CAB39L: variants seen among roughly 807,000 people sequenced by gnomAD.
CAB39L encodes calcium-binding protein 39-like.
A neutral mutation model predicts 39.1 loss-of-function variants in CAB39L; 23 were observed. That is an observed-to-expected ratio of 0.59 (90% CI 0.42 to 0.83). CAB39L has a LOEUF of 0.83. CAB39L is among the 40% of genes least tolerant of loss of function. The pLI is 0.00. For missense variants in CAB39L, 366 were observed against 391.9 expected (o/e 0.93, Z 0.56); for synonymous variants, 126 against 137.2 (o/e 0.92, Z 0.57).
At chr13:49,345,363 G>A (rs1242931338) in intron 7 of CAB39L, among the ~76,000 whole-genome samples, 5 of 152,104 alleles carry the variant, frequency 3.3e-5, no homozygotes, top group African/African-American at 4.8e-5. Flanking sequence ...TAATAAGAGT[G>A]GCTCTTAATT....
At chr13:49,311,783 G>A (rs1038419315) in intron 10 of CAB39L, among the ~76,000 whole-genome samples, 10 of 152,324 alleles carry the variant, frequency 6.6e-5, no homozygotes, top group Admixed American at 6.5e-5. Context: ...GCTGTATAAT[G>A]TGTTTGTTTT....
intron 6 of CAB39L, among the ~76,000 whole-genome samples, chr13:49,353,051 T>C (rs1955398353): frequency 6.6e-6 from 1 of 152,216 alleles, no homozygotes; most frequent in Admixed American, 6.5e-5. Flanking sequence ...CAGGGTGGTA[T>C]TTATTCATTT....
At chr13:49,397,768 T>A (rs12428408) in intron 3 of CAB39L, among the ~76,000 whole-genome samples, 20,692 of 152,098 alleles carry the variant, frequency 0.14, 1,563 homozygotes, top group Middle Eastern at 0.2. Context: ...TCTCAACTTA[T>A]AGCAGCGATC....
At chr13:49,380,352 T>C (rs542099433) in intron 4 of CAB39L, among the ~76,000 whole-genome samples, 28 of 152,360 alleles carry the variant, frequency 1.8e-4, no homozygotes, top group Admixed American at 1.2e-3. Flanking sequence ...ACTCATAAGC[T>C]TTCTTTGTCA....
At chr13:49,422,566 C>T (rs910823998) in intron 3 of CAB39L, among the ~76,000 whole-genome samples, 10 of 151,936 alleles carry the variant, frequency 6.6e-5, no homozygotes, top group African/African-American at 1.7e-4. Flanking sequence ...GAGCGAGACT[C>T]TGTCTCAAAA....
intron 3 of CAB39L, among the ~76,000 whole-genome samples, chr13:49,419,291 G>A (rs991912104): frequency 1.3e-5 from 2 of 152,134 alleles, no homozygotes; most frequent in Non-Finnish European, 2.9e-5. Flanking sequence ...AGAACTATTC[G>A]ATAAATATCA....
intron 10 of CAB39L, among the ~76,000 whole-genome samples, chr13:49,326,335 G>A (rs1954495952): frequency 6.6e-6 from 1 of 152,182 alleles, no homozygotes; most frequent in Admixed American, 6.5e-5. Context: ...GTGAAAAAAT[G>A]CATCCAGGTG....
intron 8 of CAB39L, among the ~76,000 whole-genome samples, chr13:49,343,023 T>C (rs1034345656): frequency 1.3e-5 from 2 of 152,210 alleles, no homozygotes; most frequent in African/African-American, 4.8e-5. Context: ...TTAAGTTACA[T>C]AGTGGCTCTC....
intron 10 of CAB39L, among the ~76,000 whole-genome samples, chr13:49,319,159 C>T (rs899828968): frequency 2.0e-5 from 3 of 151,806 alleles, no homozygotes; most frequent in Non-Finnish European, 4.4e-5. Context: ...CAGAAGAATC[C>T]CTTGAACCTG....
At chr13:49,406,333 A>AT (rs34078174) in intron 3 of CAB39L, among the ~76,000 whole-genome samples, 5,372 of 90,502 alleles carry the variant, frequency 0.059, 231 homozygotes, top group African/African-American at 0.13. Context: ...ATGCCCAGCT[A>AT]TTTTTTTTTT....
chr13:49,340,958 A>T (rs74074586), intron 8 of CAB39L, among the ~76,000 whole-genome samples: 11,250 of 152,224 alleles, frequency 0.074, 951 homozygotes, highest in African/African-American at 0.21. Flanking sequence ...ATTAGGTAAA[A>T]AAGGAGTCAA....
Position 49,386,112 on chromosome 13 carries a change from T to C in CAB39L, c.-31-3171A>G, listed in dbSNP as rs571937631. ...GTTCTATAGCACTAAGGGAAAGATA[T>C]ATAACTGTAGGAATTTTAAATACTC... On this transcript the variant is annotated intron_variant, in intron 3 of 10. Coordinates refer to ENST00000409308, the MANE Select transcript of CAB39L (RefSeq NM_001079670.3). Among the ~76,000 whole-genome samples, 42 of 152,298 alleles carry C rather than the reference T, an allele frequency of 2.8e-4. 1 individual carries two copies. The highest frequency in any genetic ancestry group is 9.9e-4 in the African/African-American group (41 of 41,560).
intron 3 of CAB39L, chr13:49,401,178 GA>G (rs1180870466): frequency 6.6e-6 from 1 of 152,140 alleles, no homozygotes; most frequent in African/African-American, 2.4e-5. Context: ...ACAAAATGTA[GA>G]CACATGGTGA....
intron 3 of CAB39L, among the ~76,000 whole-genome samples, chr13:49,389,086 G>A (rs1956433082): frequency 6.6e-6 from 1 of 152,136 alleles, no homozygotes; most frequent in African/African-American, 2.4e-5. Context: ...TGATGAGAAT[G>A]CTGAGAAAAG....
intron 3 of CAB39L, among the ~76,000 whole-genome samples, chr13:49,406,880 A>C (rs1169084730): frequency 1.2e-4 from 18 of 152,234 alleles, no homozygotes; most frequent in Admixed American, 1.2e-3. Flanking sequence ...TACTAAAAAT[A>C]AAATCACTGA....
At chr13:49,332,449 G>A (rs1186122776) in intron 9 of CAB39L, among the ~76,000 whole-genome samples, 1 of 152,070 alleles carries the variant, frequency 6.6e-6, no homozygotes, top group African/African-American at 2.4e-5. Context: ...AACAAAATTG[G>A]TACCATAATG....
chr13:49,329,534 T>TAAA lies in CAB39L; in HGVS notation c.834+2410_834+2412dup, dbSNP rs777940622. ...ACCTTGTCCTACATATCTCTTCAATTAAAAAAAAAAATATATATATATATA... is the reference window on the plus strand; with the variant it reads ...ACCTTGTCCTACATATCTCTTCAATTAAAAAAAAAAAAAATATATATATATATA... On this transcript the variant is annotated intron_variant, in intron 10 of 10. Transcript: ENST00000409308. Among the ~76,000 whole-genome samples the TAAA allele has an allele frequency of 5.7e-3, 99 of 17,384 alleles. 8 individuals carry two copies. The highest frequency in any genetic ancestry group is 6.6e-3 in the Non-Finnish European group (74 of 11,258). The allele number at this position is 17,384 out of a possible 152,430, so 11.4% of individuals were successfully genotyped here. A position where few individuals can be genotyped will look rare whatever the true frequency, so the allele number is the denominator to read the frequency against.
At chr13:49,385,553 C>A (rs7338684) in intron 3 of CAB39L, among the ~76,000 whole-genome samples, 82,989 of 152,146 alleles carry the variant, frequency 0.55, 24,055 homozygotes, top group African/African-American at 0.72. Context: ...AGCCTACCTC[C>A]GCTCTGGATA....
intron 7 of CAB39L, among the ~76,000 whole-genome samples, chr13:49,344,683 G>A (rs144462667): frequency 2.6e-5 from 4 of 152,050 alleles, no homozygotes; most frequent in East Asian, 1.9e-4. Flanking sequence ...CACCACATCC[G>A]GCTTTTTGTT....
Sources: gnomAD v4.1 joint callset for allele counts (sites outside exome capture counted in the v4.1 genomes callset) on GRCh38, gnomAD v4.1.1 for gene constraint, MANE v1.5 for transcripts, NCBI Gene and HGNC (gene_info 2026-07-23, HGNC 2026-07-21) for gene names.